The following SRSF7 variants were observed in gnomAD, a reference collection of about 807,000 sequenced individuals.
SRSF7 encodes serine/arginine-rich splicing factor 7.
Under a neutral mutation model 42.2 loss-of-function variants are expected in SRSF7, and 15 were observed. The ratio of observed to expected loss-of-function variants is 0.36; its 90% confidence interval spans 0.24 to 0.55. SRSF7 has a LOEUF of 0.55. Among genes scored for constraint, SRSF7 ranks in the 20% least tolerant of loss-of-function variants. The pLI is 0.88. For missense variants in SRSF7, 181 were observed against 305.9 expected, an observed-to-expected ratio of 0.59 and a Z score of 3.04; for synonymous variants, 138 against 107.9, an observed-to-expected ratio of 1.28 and a Z score of -1.73.
At chr2:38,748,699 G>A in intron 3 of SRSF7, 46 bp from the exon 4 acceptor site, 4 of 1,562,464 alleles carry the variant, frequency 2.6e-6, no homozygotes, top group South Asian at 2.2e-5. Context: ...ACAATAACTC[G>A]TTTTTAAGAG....
In SRSF7 at chr2:38,748,602, T is replaced by G; in HGVS notation, c.438A>C (p.Ser146=). The change falls in exon 4 of 8, where the codon TCA becomes TCC. Residue 146 remains serine (S), a synonymous_variant. Transcript: ENST00000313117. The part of the protein sequence containing the change: ...SRSRGRRYSR[S]RSRSRGRRSR... ...ACCTTCGTCCCCTGCTCCTGCTGCGTGAGCGAGAGTATCGCCTTCCTCTGG... is the reference window on the plus strand; with the variant it reads ...ACCTTCGTCCCCTGCTCCTGCTGCGGGAGCGAGAGTATCGCCTTCCTCTGG... 1 of 1,614,230 alleles carries G rather than the reference T, an allele frequency of 6.2e-7. No homozygotes were observed. The highest frequency in any genetic ancestry group is 8.5e-7 in the Non-Finnish European group (1 of 1,180,034).
At chr2:38,746,482 G>C (rs891292432) in intron 6 of SRSF7, among the ~76,000 whole-genome samples, 1 of 152,150 alleles carries the variant, frequency 6.6e-6, no homozygotes, top group African/African-American at 2.4e-5. Flanking sequence ...AATCCCCCAA[G>C]TCATAAGCTT....
In SRSF7 at chr2:38,744,949, A is replaced by G; in HGVS notation, c.*184T>C. The G allele has an allele frequency of 1.9e-6, 1 of 533,478 alleles. No individual in the cohort carries two copies. The allele number at this position is 533,478 out of a possible 1,614,324, so 33.0% of individuals were successfully genotyped here. On this transcript the variant is annotated 3_prime_UTR_variant, in exon 8 of 8. Transcript: ENST00000313117. Reference sequence around the variant, plus strand: ...AAATAAAAACCCACATTTTCAGACCATATGATGTTAATACATTCAACAAAA... The same window carrying G: ...AAATAAAAACCCACATTTTCAGACCGTATGATGTTAATACATTCAACAAAA...
In SRSF7 at chr2:38,748,121, G is replaced by T; in HGVS notation, c.498C>A (p.Ile166=). The part of the protein sequence containing the change: ...RSASPRRSRS[I]SLRRSRSASL... ...AAGCTGATCTTGATCTACGAAGAGAGATAGATCTTGATCGTCGAGGAGATG... is the reference window on the plus strand; with the variant it reads ...AAGCTGATCTTGATCTACGAAGAGATATAGATCTTGATCGTCGAGGAGATG... The change falls in exon 5 of 8, where the codon ATC becomes ATA. Residue 166 remains isoleucine (I), a synonymous_variant. Coordinates refer to ENST00000313117, the MANE Select transcript of SRSF7 (RefSeq NM_001031684.3). The T allele has an allele frequency of 6.2e-7, 1 of 1,613,512 alleles. No homozygotes were observed. Among genetic ancestry groups the T allele is most frequent in the Non-Finnish European group, 8.5e-7 (1 of 1,179,816 alleles).
intron 3 of SRSF7, 41 bp from the exon 4 acceptor site, chr2:38,748,694 A>C: frequency 1.9e-6 from 3 of 1,592,922 alleles, no homozygotes; most frequent in Non-Finnish European, 2.6e-6. Flanking sequence ...GTCAGACAAT[A>C]ACTCGTTTTT....
At position 38,748,190 on chromosome 2, in the gene SRSF7, G is replaced by A. The variant is rs1327934468; in HGVS notation, c.462-33C>T. The A allele has an allele frequency of 1.5e-5, 20 of 1,299,694 alleles. No individual in the cohort carries two copies. The Middle Eastern group carries it at 6.2e-4, about 40-fold the overall frequency. 80.5% of individuals were successfully genotyped at this position (1,299,694 alleles called of 1,614,324 possible). On this transcript the variant is annotated intron_variant, in intron 4 of 7. Coordinates refer to ENST00000313117, the MANE Select transcript of SRSF7 (RefSeq NM_001031684.3). ...AAAGAACTTTAAGTCCATCTCCACA[G>A]TTTTTTTTTTTTTTGGCCTGTTAAG...
In SRSF7 at chr2:38,750,209, A is replaced by C. The variant is rs1211765373; in HGVS notation, c.29-15T>G. 1 of 1,582,186 alleles carries C rather than the reference A, an allele frequency of 6.3e-7. No individual in the cohort carries two copies. The highest frequency in any genetic ancestry group is 8.6e-7 in the Non-Finnish European group (1 of 1,167,790). ...CACCTTGGTTTCTGTTTAAAAACGC[A>C]AATAGAAGAATGCACGTTACGCAAA... On this transcript the variant is annotated splice_polypyrimidine_tract_variant and intron_variant, in intron 1 of 7. Coordinates refer to ENST00000313117, the MANE Select transcript of SRSF7 (RefSeq NM_001031684.3).
Position 38,747,124 on chromosome 2 carries a change from CAG to C in SRSF7, c.573-379_573-378del, listed in dbSNP as rs199838634. ...GTACACAATGGCAGTCCCAGCTACT[CAG>C]GAGGCTAAGGCAGGATGAAAATAAC... On this transcript the variant is annotated intron_variant, in intron 5 of 7. Transcript: ENST00000313117. 3,724 of 477,724 alleles carry C rather than the reference CAG, an allele frequency of 7.8e-3. 116 individuals carry two copies. The highest frequency in any genetic ancestry group is 0.067 in the African/African-American group (3,371 of 50,566). The allele number at this position is 477,724 out of a possible 1,614,324, so 29.6% of individuals were successfully genotyped here.
In SRSF7 at chr2:38,748,653, C is replaced by T; in HGVS notation, c.387G>A (p.Arg129=). 6.2e-7 allele frequency: 1 copy of T among 1,614,066 alleles called. No individual in the cohort carries two copies. Among genetic ancestry groups the T allele is most frequent in the Non-Finnish European group, 8.5e-7 (1 of 1,179,988 alleles). Residue 129 remains arginine, a splice_region_variant and synonymous_variant, in exon 4 of 8, where the codon AGG becomes AGA. Transcript: ENST00000313117. The part of the protein sequence containing the change: ...CHRYSRRRRS[R]SRSRSHSRSR... ...ATCGAGAATGTGATCTAGACCGTGA[C>T]CTATTTTTCAAGTTAGAGAAAAAAC...
chr2:38,747,431 C>T (rs1438506423), intron 5 of SRSF7, among the ~76,000 whole-genome samples: 1 of 152,208 alleles, frequency 6.6e-6, no homozygotes, highest in Non-Finnish European at 1.5e-5. Context: ...ACGGTTTTAT[C>T]GTTGGTACAG....
chr2:38,750,798 T>C (rs1668213794), intron 1 of SRSF7: 1 of 185,118 alleles, frequency 5.4e-6, no homozygotes, highest in Admixed American at 5.5e-5. Flanking sequence ...AATTTCGTTC[T>C]ATCTCAAACA....
chr2:38,745,483 G>A (rs371680729), intron 7 of SRSF7, among the ~76,000 whole-genome samples: 7 of 151,886 alleles, frequency 4.6e-5, no homozygotes, highest in Non-Finnish European at 8.8e-5. Context: ...GTGAAACTCC[G>A]TCTCTACTAG....
At chr2:38,746,874 T>A (rs896219165) in intron 5 of SRSF7, 127 bp from the exon 6 acceptor site, 1 of 1,465,626 alleles carries the variant, frequency 6.8e-7, no homozygotes, top group South Asian at 1.3e-5. Flanking sequence ...AACACTTGCC[T>A]TATTCTGTCT....
intron 3 of SRSF7, chr2:38,748,935 TCTA>T: frequency 7.5e-7 from 1 of 1,330,868 alleles, no homozygotes; most frequent in Non-Finnish European, 9.7e-7. Context: ...TGGCCCATGG[TCTA>T]GTAGATCTAG....
chr2:38,748,124 A>T lies in SRSF7; in HGVS notation c.495T>A (p.Ser165=). 2 of 1,613,904 alleles carry T rather than the reference A, an allele frequency of 1.2e-6. No homozygotes were observed. Among genetic ancestry groups the T allele is most frequent in the African/African-American group, 1.3e-5 (1 of 74,938 alleles). ...CTGATCTTGATCTACGAAGAGAGATAGATCTTGATCGTCGAGGAGATGCTG... is the reference window on the plus strand; with the variant it reads ...CTGATCTTGATCTACGAAGAGAGATTGATCTTGATCGTCGAGGAGATGCTG... ...SRSASPRRSR[S]ISLRRSRSAS... Residue 165 remains serine, a synonymous_variant, in exon 5 of 8, where the codon TCT becomes TCA. Coordinates refer to ENST00000313117, the MANE Select transcript of SRSF7 (RefSeq NM_001031684.3).
chr2:38,751,143 G>A, intron 1 of SRSF7, 86 bp downstream of exon 1: 2 of 1,568,878 alleles, frequency 1.3e-6, no homozygotes, highest in Non-Finnish European at 8.8e-7. Flanking sequence ...CGGAATAACC[G>A]TCTCCCAACC....
At chr2:38,745,257 T>G (rs994066668) in intron 7 of SRSF7, 70 bp from the exon 8 acceptor site, 1 of 1,521,396 alleles carries the variant, frequency 6.6e-7, no homozygotes, top group Non-Finnish European at 9.1e-7. Flanking sequence ...TGTACTAACT[T>G]TCAATAACTT....
chr2:38,748,285 C>A (rs1444884236), intron 4 of SRSF7, 128 bp from the exon 5 acceptor site: 1 of 737,814 alleles, frequency 1.4e-6, no homozygotes, highest in Admixed American at 2.8e-5. Context: ...CGTTTGAGCC[C>A]AGGAGCTTGA....
intron 1 of SRSF7, 84 bp from the exon 2 acceptor site, chr2:38,750,278 A>T: frequency 3.1e-6 from 4 of 1,299,886 alleles, no homozygotes; most frequent in Non-Finnish European, 4.3e-6. Flanking sequence ...AAAACGGGCC[A>T]TCCTCAAGAT....
Sources: allele counts gnomAD v4.1 joint callset (sites outside exome capture counted in the v4.1 genomes callset), GRCh38; gene constraint gnomAD v4.1.1; transcripts MANE v1.5; gene names NCBI Gene and HGNC (gene_info 2026-07-23, HGNC 2026-07-21).